Variants in XPR1 observed in about 807,000 individuals in gnomAD.
The protein encoded by XPR1 is solute carrier family 53 member 1.
Under a neutral mutation model 87.5 loss-of-function variants are expected in XPR1, and 28 were observed. The observed-to-expected ratio is 0.32, with a 90% CI of 0.24 to 0.44. The LOEUF is 0.44. XPR1 is among the 20% of genes least tolerant of loss of function. XPR1 has a pLI of 1.00. For missense variants in XPR1, 559 were observed against 862.3 expected (o/e 0.65, Z 4.41); for synonymous variants, 300 against 306.1 (o/e 0.98, Z 0.21).
At chr1:180,636,378 C>T (rs1179608181) in intron 1 of XPR1, among the ~76,000 whole-genome samples, 5 of 152,108 alleles carry the variant, frequency 3.3e-5, no homozygotes, top group Non-Finnish European at 5.9e-5. Flanking sequence ...TAAATGATTG[C>T]GTCAATGAGA....
At chr1:180,641,153 T>C (rs1654949388) in intron 1 of XPR1, among the ~76,000 whole-genome samples, 1 of 152,236 alleles carries the variant, frequency 6.6e-6, no homozygotes, top group Admixed American at 6.5e-5. Flanking sequence ...GTTAACCTTT[T>C]TGTGCTTCAG....
chr1:180,664,239 G>T (rs1655883286), intron 1 of XPR1, among the ~76,000 whole-genome samples: 1 of 152,138 alleles, frequency 6.6e-6, no homozygotes, highest in Admixed American at 6.5e-5. Context: ...CTGTGAATGT[G>T]CCGGCTTACA....
chr1:180,714,797 A>T (rs1046177282), intron 2 of XPR1, among the ~76,000 whole-genome samples: 6 of 149,318 alleles, frequency 4.0e-5, no homozygotes, highest in East Asian at 1.9e-4. Context: ...TTTTTTTTTT[A>T]AAGTGGAAAA....
At chr1:180,690,051 G>T (rs1656926932) in intron 2 of XPR1, among the ~76,000 whole-genome samples, 1 of 151,900 alleles carries the variant, frequency 6.6e-6, no homozygotes, top group South Asian at 2.1e-4. Flanking sequence ...GGCTACTCTG[G>T]AGGCTAAGCA....
chr1:180,863,146 G>A (rs1472285861), intron 11 of XPR1, among the ~76,000 whole-genome samples: 1 of 152,014 alleles, frequency 6.6e-6, no homozygotes, highest in Admixed American at 6.6e-5. Flanking sequence ...AGAGAAATTT[G>A]CTTTCATACA....
rs1655809273 is a variant in XPR1, at chr1:180,662,390, T to C, written c.70-19970T>C. Among the ~76,000 whole-genome samples, 5 of 152,210 alleles carry C rather than the reference T, an allele frequency of 3.3e-5. 1 individual carries two copies. The South Asian group carries it at 1.0e-3, about 31-fold the overall frequency. On this transcript the variant is annotated intron_variant, in intron 1 of 14. Coordinates refer to ENST00000367590, the MANE Select transcript of XPR1 (RefSeq NM_004736.4). ...TCTTCATATTTGAAGGATATTTTTG[T>C]CAGATATACTATTTTAGGATGAAAG...
intron 2 of XPR1, among the ~76,000 whole-genome samples, chr1:180,690,972 A>C (rs1264187201): frequency 6.6e-6 from 1 of 151,956 alleles, no homozygotes; most frequent in Non-Finnish European, 1.5e-5. Context: ...GTTTAGATGC[A>C]GAATTTTACC....
At chr1:180,636,397 A>T (rs1654759727) in intron 1 of XPR1, among the ~76,000 whole-genome samples, 1 of 152,242 alleles carries the variant, frequency 6.6e-6, no homozygotes, top group Non-Finnish European at 1.5e-5. Context: ...GATGGTTGGC[A>T]TTTACAAATG....
chr1:180,800,985 A>C (rs1649758908), intron 3 of XPR1, among the ~76,000 whole-genome samples: 1 of 152,178 alleles, frequency 6.6e-6, no homozygotes, highest in Non-Finnish European at 1.5e-5. Context: ...CAATTAAGCA[A>C]TATTCTAGTA....
At chr1:180,702,513 G>C (rs1189224012) in intron 2 of XPR1, among the ~76,000 whole-genome samples, 2 of 151,924 alleles carry the variant, frequency 1.3e-5, no homozygotes, top group Non-Finnish European at 2.9e-5. Flanking sequence ...TACTGACTGG[G>C]TTATTTAAAA....
chr1:180,748,074 T>C (rs150450130), intron 2 of XPR1, among the ~76,000 whole-genome samples: 1 of 152,328 alleles, frequency 6.6e-6, no homozygotes, highest in East Asian at 1.9e-4. Context: ...ACCATACACA[T>C]TTAGAGTCAT....
At chr1:180,783,963 G>A (rs1012161054) in intron 2 of XPR1, among the ~76,000 whole-genome samples, 3 of 151,834 alleles carry the variant, frequency 2.0e-5, no homozygotes, top group Admixed American at 6.6e-5. Flanking sequence ...CCTGAGACGG[G>A]AGAATCTCTT....
At chr1:180,686,620 C>A (rs780752036) in intron 2 of XPR1, among the ~76,000 whole-genome samples, 3 of 152,136 alleles carry the variant, frequency 2.0e-5, no homozygotes, top group Non-Finnish European at 4.4e-5. Context: ...ATTGTTTTAA[C>A]ACTCCACATC....
chr1:180,846,148 G>C (rs1181951671), intron 11 of XPR1, among the ~76,000 whole-genome samples: 2 of 151,750 alleles, frequency 1.3e-5, no homozygotes, highest in Admixed American at 6.6e-5. Flanking sequence ...TGTAATTCCA[G>C]CTACTCGGGA....
Position 180,806,161 on chromosome 1 carries a change from G to A in XPR1, c.547G>A (p.Ala183Thr), listed in dbSNP as rs1649981139. 5 of 1,613,288 alleles carry A rather than the reference G, an allele frequency of 3.1e-6. No homozygotes were observed. The highest frequency in any genetic ancestry group is 3.3e-5 in the Admixed American group (2 of 59,958). ...TTGGCGAGTGGCTCACGTAGAGGTG[G>A]CCCCATTTTATACATGCAAGAAAAT... ...ADWRVAHVEV[A>T]PFYTCKKINQ... Residue 183 changes from alanine (A) to threonine (T), a missense_variant, in exon 5 of 15, where the codon GCC (alanine) becomes ACC (threonine). By Grantham distance (58) the Ala-to-Thr change is moderately conservative. Coordinates refer to ENST00000367590, the MANE Select transcript of XPR1 (RefSeq NM_004736.4).
intron 2 of XPR1, among the ~76,000 whole-genome samples, chr1:180,782,609 C>T (rs891403676): frequency 6.6e-6 from 1 of 151,712 alleles, no homozygotes; most frequent in Non-Finnish European, 1.5e-5. Context: ...TTTATAGGAA[C>T]ATTAGTTTTG....
chr1:180,636,419 A>C (rs1654760299), intron 1 of XPR1, among the ~76,000 whole-genome samples: 1 of 152,230 alleles, frequency 6.6e-6, no homozygotes. Flanking sequence ...TTCTTAAGTG[A>C]GTGAATGAAT....
intron 1 of XPR1, among the ~76,000 whole-genome samples, chr1:180,636,783 GGCTCACGCCT>G (rs2101891232): frequency 6.6e-6 from 1 of 152,282 alleles, no homozygotes; most frequent in South Asian, 2.1e-4. Flanking sequence ...TGGACACGGT[GGCTCACGCCT>G]GTAATCCCAG....
chr1:180,632,280 C>A lies in XPR1; in HGVS notation c.69+10C>A. 2 of 1,610,128 alleles carry A rather than the reference C, an allele frequency of 1.2e-6. No homozygotes were observed. The highest frequency in any genetic ancestry group is 1.7e-6 in the Non-Finnish European group (2 of 1,178,046). The stretch of plus-strand genomic sequence containing the variant: ...ATACATCCAGTATGAGGTACCGGCA[C>A]GGCTGGGGTGTGGGAGGACTCGGAG... On this transcript the variant is annotated intron_variant, in intron 1 of 14. Transcript: ENST00000367590.
Sources: gnomAD v4.1 joint callset for allele counts (sites outside exome capture counted in the v4.1 genomes callset) on GRCh38, gnomAD v4.1.1 for gene constraint, MANE v1.5 for transcripts, NCBI Gene and HGNC (gene_info 2026-07-23, HGNC 2026-07-21) for gene names.